EDNRB: variants seen among roughly 807,000 people sequenced by gnomAD.
The protein encoded by EDNRB is endothelin receptor type B, also known as Hirschsprung disease 2.
A neutral mutation model predicts 46.4 loss-of-function variants in EDNRB; 18 were observed. The observed-to-expected ratio is 0.39, with a 90% CI of 0.27 to 0.57. The LOEUF (loss-of-function observed/expected upper bound fraction) is 0.57. Ranked by LOEUF, EDNRB falls within the 20% of genes least tolerant of loss-of-function variation. The probability of loss-of-function intolerance (pLI) is 0.61; values close to 1 mark genes in which losing one functional copy is unlikely to be tolerated. For missense variants in EDNRB, 434 were observed against 537.5 expected (o/e 0.81, Z 1.90); for synonymous variants, 213 against 204.9 (o/e 1.04, Z -0.34).
intron 1 of EDNRB, among the ~76,000 whole-genome samples, chr13:77,916,450 C>G (rs1879808775): frequency 6.6e-6 from 1 of 152,180 alleles, no homozygotes; most frequent in Non-Finnish European, 1.5e-5. Context: ...TAAATCCTCA[C>G]AGTTCATCAG....
rs375635623 is a variant in EDNRB at position 77,941,992 on chromosome 13, C to T, written c.-51-23368G>A. 4.1e-4 allele frequency among the ~76,000 whole-genome samples: 63 copies of T among 152,306 alleles called. 1 individual carries two copies. In the South Asian group the frequency reaches 0.012, roughly 30 times the overall value. The stretch of plus-strand genomic sequence containing the variant: ...ATTTAAACATTATTAACCACTGCAA[C>T]CAGCTATGCTGACCTGCAAATGTTC... On this transcript the variant is annotated intron_variant, in intron 1 of 7. Coordinates refer to the EDNRB transcript ENST00000646948.
chr13:77,925,118 T>C (rs898712112), intron 1 of EDNRB, among the ~76,000 whole-genome samples: 10 of 152,242 alleles, frequency 6.6e-5, no homozygotes. Flanking sequence ...TTGACTACTT[T>C]AGAAATCTCA....
At chr13:77,974,980 C>A (rs1881844870) in intron 1 of EDNRB, among the ~76,000 whole-genome samples, 1 of 152,170 alleles carries the variant, frequency 6.6e-6, no homozygotes, top group Non-Finnish European at 1.5e-5. Context: ...ACACCACATG[C>A]ACACCACAAA....
intron 1 of EDNRB, among the ~76,000 whole-genome samples, chr13:77,958,192 C>G (rs1176941554): frequency 2.0e-5 from 3 of 152,070 alleles, no homozygotes; most frequent in African/African-American, 7.2e-5. Context: ...ATTCAGCTAT[C>G]TGGAAATAGA....
intron 1 of EDNRB, among the ~76,000 whole-genome samples, chr13:77,966,462 C>A (rs530547899): frequency 6.6e-6 from 1 of 152,232 alleles, no homozygotes; most frequent in African/African-American, 2.4e-5. Flanking sequence ...ACAATAAATC[C>A]TAAATAAATG....
chr13:77,900,382 C>T (rs776270124), intron 5 of EDNRB, 139 bp downstream of exon 5: 18 of 1,177,252 alleles, frequency 1.5e-5, no homozygotes, highest in Middle Eastern at 5.6e-4. Flanking sequence ...AACAGGACCT[C>T]AGATAAAAAT....
At chr13:77,949,632 G>T (rs978918924) in intron 1 of EDNRB, among the ~76,000 whole-genome samples, 1 of 152,080 alleles carries the variant, frequency 6.6e-6, no homozygotes, top group African/African-American at 2.4e-5. Flanking sequence ...TCCGCTTGGG[G>T]ATGAAAGAAA....
In EDNRB at chr13:77,903,146, T is replaced by C; in HGVS notation, c.801+10A>G. Reference sequence around the variant, plus strand: ...AGAGCAGAAAGGAAAATAAAAAAAGTGAAATTTACCTGCATGAAAGCTGTC... The same window carrying C: ...AGAGCAGAAAGGAAAATAAAAAAAGCGAAATTTACCTGCATGAAAGCTGTC... On this transcript the variant is annotated intron_variant, in intron 3 of 6. Coordinates refer to ENST00000646607, the MANE Select transcript of EDNRB (RefSeq NM_001122659.3). The C allele has an allele frequency of 6.2e-7, 1 of 1,612,424 alleles. No homozygotes were observed. Among genetic ancestry groups the C allele is most frequent in the Non-Finnish European group, 8.5e-7 (1 of 1,179,072 alleles).
Position 77,899,182 on chromosome 13 carries a change from C to A in EDNRB, c.1194+677G>T, listed in dbSNP as rs190174320. 4.0e-5 allele frequency among the ~76,000 whole-genome samples: 6 copies of A among 151,878 alleles called. No individual in the cohort carries two copies. The East Asian group carries it at 7.8e-4, about 20-fold the overall frequency. On this transcript the variant is annotated intron_variant, in intron 6 of 6. Coordinates refer to ENST00000646607, the MANE Select transcript of EDNRB (RefSeq NM_001122659.3). ...AGTGGGCGAAGAATGTTATAGGCTG[C>A]CTTAGTGTTTACGCGGGAGCTACGT...
At chr13:77,935,737 T>A in intron 1 of EDNRB, among the ~76,000 whole-genome samples, 1 of 152,138 alleles carries the variant, frequency 6.6e-6, no homozygotes, top group East Asian at 1.9e-4. Flanking sequence ...CTGTTGGGTG[T>A]CAGGGTCAGT....
chr13:77,952,793 T>G (rs1398201556), intron 1 of EDNRB, among the ~76,000 whole-genome samples: 1 of 152,220 alleles, frequency 6.6e-6, no homozygotes, highest in Non-Finnish European at 1.5e-5. Context: ...TGTATTGCTC[T>G]GTAGATTGAT....
intron 1 of EDNRB, among the ~76,000 whole-genome samples, chr13:77,963,541 T>C (rs564920740): frequency 1.3e-5 from 2 of 152,254 alleles, no homozygotes; most frequent in South Asian, 4.2e-4. Context: ...ATTTAATAAA[T>C]GGTGCTGGGA....
intron 1 of EDNRB, among the ~76,000 whole-genome samples, chr13:77,931,769 A>G (rs969464608): frequency 7.0e-6 from 1 of 142,622 alleles, no homozygotes; most frequent in Non-Finnish European, 1.5e-5. Flanking sequence ...AACAAAAAAA[A>G]AAAAACAAAA....
At chr13:77,914,468 G>A (rs1879717099) in intron 1 of EDNRB, among the ~76,000 whole-genome samples, 1 of 152,186 alleles carries the variant, frequency 6.6e-6, no homozygotes, top group African/African-American at 2.4e-5. Context: ...TTGGATGCCT[G>A]AAGTTTTCAT....
chr13:77,946,318 G>C (rs995103525), intron 1 of EDNRB, among the ~76,000 whole-genome samples: 4 of 152,130 alleles, frequency 2.6e-5, no homozygotes, highest in African/African-American at 9.7e-5. Context: ...GAGAGGGAAG[G>C]GGGGAAAAGG....
chr13:77,922,567 C>T (rs1880117091), upstream of EDNRB, among the ~76,000 whole-genome samples: 1 of 152,154 alleles, frequency 6.6e-6, no homozygotes, highest in South Asian at 2.1e-4. Context: ...CCACATATTC[C>T]TCTGGGACCA....
chr13:77,972,004 C>T (rs927985187), intron 1 of EDNRB, among the ~76,000 whole-genome samples: 3 of 152,188 alleles, frequency 2.0e-5, no homozygotes, highest in Admixed American at 2.0e-4. Context: ...TTCTTAAGCT[C>T]ATCGCATCCC....
At position 77,918,368 on chromosome 13, in the gene EDNRB, G is replaced by T; in HGVS notation, c.206C>A (p.Ala69Glu). The change falls in exon 1 of 7, where the codon GCG (alanine) becomes GAG (glutamate). Residue 69 changes from alanine (A) to glutamate (E), a missense_variant. Physicochemically the swap from Ala to Glu is moderately radical, Grantham distance 107. Transcript: ENST00000646607. The surrounding 1 kb of genome is among the most constrained non-coding windows in gnomAD (Gnocchi z 4.5). ...CGTCCTGTCTCCTTTAGGCACCTCC[G>T]CAGGTGCCAACGACCGCGCCAGACT... ...NASLARSLAP[A>E]EVPKGDRTAG... 1.9e-6 allele frequency: 3 copies of T among 1,609,334 alleles called. No homozygotes were observed. Among genetic ancestry groups the T allele is most frequent in the Non-Finnish European group, 2.5e-6 (3 of 1,176,566 alleles).
chr13:77,936,109 G>A (rs1209253637), intron 1 of EDNRB, among the ~76,000 whole-genome samples: 1 of 152,122 alleles, frequency 6.6e-6, no homozygotes, highest in Non-Finnish European at 1.5e-5. Context: ...AGGTTTTAAT[G>A]GGATGATAAG....
Sources: gnomAD v4.1 joint callset for allele counts (sites outside exome capture counted in the v4.1 genomes callset) on GRCh38, gnomAD v4.1.1 for gene constraint, Gnocchi (gnomAD v3.1) non-coding constraint, MANE v1.5 for transcripts, NCBI Gene and HGNC (gene_info 2026-07-23, HGNC 2026-07-21) for gene names.